Variants in RMST observed in about 807,000 individuals in gnomAD.
RMST encodes long intergenic non-protein coding RNA 54.
At chr12:97,519,189 C>T (rs929902415) in intron 10 of RMST, among the ~76,000 whole-genome samples, 17 of 152,198 alleles carry the variant, frequency 1.1e-4, no homozygotes, top group Admixed American at 1.0e-3. Flanking sequence ...CTGTTACTTA[C>T]AGCTCATGTA....
intron 10 of RMST, among the ~76,000 whole-genome samples, chr12:97,519,767 C>T (rs1408224210): frequency 6.6e-6 from 1 of 152,168 alleles, no homozygotes; most frequent in Non-Finnish European, 1.5e-5. Context: ...GTGCTATCTT[C>T]TTACTATAGT....
intron 10 of RMST, among the ~76,000 whole-genome samples, chr12:97,513,625 A>G (rs1216893778): frequency 6.6e-6 from 1 of 152,210 alleles, no homozygotes. Flanking sequence ...TAGCTCTTAT[A>G]TTACCTATAT....
At chr12:97,495,973 A>T (rs1363680211) in exon 10 of RMST, 1 of 152,214 alleles carries the variant, frequency 6.6e-6, no homozygotes, top group Non-Finnish European at 1.5e-5. Flanking sequence ...CTGCGTGGCT[A>T]CATTTTCCCA....
intron 11 of RMST, among the ~76,000 whole-genome samples, chr12:97,539,005 T>A (rs952002861): frequency 2.0e-5 from 3 of 151,412 alleles, no homozygotes; most frequent in Non-Finnish European, 4.4e-5. Context: ...GCATTATGAG[T>A]TAACTGTTTG....
chr12:97,496,648 C>G (rs2136464643), intron 10 of RMST, among the ~76,000 whole-genome samples: 1 of 152,182 alleles, frequency 6.6e-6, no homozygotes, highest in African/African-American at 2.4e-5. Flanking sequence ...GATCCTTGAC[C>G]TTTTGGCTTG....
At chr12:97,514,745 A>G (rs546250108) in intron 10 of RMST, among the ~76,000 whole-genome samples, 1 of 152,206 alleles carries the variant, frequency 6.6e-6, no homozygotes, top group East Asian at 1.9e-4. Context: ...TATGGAACAC[A>G]GAGTAAGAGC....
chr12:97,495,574 T>C (rs1422085337), intron 9 of RMST, among the ~76,000 whole-genome samples: 1 of 152,144 alleles, frequency 6.6e-6, no homozygotes, highest in Non-Finnish European at 1.5e-5. Context: ...TGCTACCCTG[T>C]ATACTATACT....
intron 10 of RMST, among the ~76,000 whole-genome samples, chr12:97,525,039 G>A (rs1880945754): frequency 6.6e-6 from 1 of 152,204 alleles, no homozygotes; most frequent in South Asian, 2.1e-4. Context: ...TGCCTTGAGA[G>A]TGAGCTGCTT....
intron 11 of RMST, among the ~76,000 whole-genome samples, chr12:97,550,995 T>C (rs1883271232): frequency 6.6e-6 from 1 of 152,104 alleles, no homozygotes; most frequent in African/African-American, 2.4e-5. Context: ...AAGAGAACAC[T>C]TAACTAATTG....
At chr12:97,473,558 A>G (rs1874186152) in intron 5 of RMST, among the ~76,000 whole-genome samples, 1 of 152,148 alleles carries the variant, frequency 6.6e-6, no homozygotes, top group Non-Finnish European at 1.5e-5. Context: ...AGGCTAACAC[A>G]TTCTATGTGA....
intron 5 of RMST, among the ~76,000 whole-genome samples, chr12:97,480,108 T>G (rs1056754203): frequency 2.6e-5 from 4 of 151,470 alleles, no homozygotes; most frequent in Non-Finnish European, 5.9e-5. Context: ...TCTTTTTTTT[T>G]GAGACAGAGT....
chr12:97,473,694 T>C (rs1018726890), intron 5 of RMST, among the ~76,000 whole-genome samples: 1 of 152,116 alleles, frequency 6.6e-6, no homozygotes, highest in African/African-American at 2.4e-5. Context: ...CAAATAAAAC[T>C]TAACATTAAG....
intron 10 of RMST, among the ~76,000 whole-genome samples, chr12:97,516,630 A>G (rs1269201904): frequency 2.0e-5 from 3 of 152,064 alleles, no homozygotes; most frequent in African/African-American, 7.2e-5. Flanking sequence ...CTAAAAATAC[A>G]TAAATCTTCC....
intron 10 of RMST, among the ~76,000 whole-genome samples, chr12:97,511,685 A>G (rs767164046): frequency 4.9e-4 from 74 of 152,230 alleles, no homozygotes; most frequent in Non-Finnish European, 9.6e-4. Context: ...AGTAAGTACT[A>G]TTTTGAAGAG....
At chr12:97,464,263 TA>T (rs1872913388) in intron 4 of RMST, among the ~76,000 whole-genome samples, 1 of 152,180 alleles carries the variant, frequency 6.6e-6, no homozygotes, top group Non-Finnish European at 1.5e-5. Flanking sequence ...TTTAAAAATG[TA>T]CCAAAAACTT....
At chr12:97,548,525 A>G (rs1437412032) in intron 11 of RMST, among the ~76,000 whole-genome samples, 2 of 137,882 alleles carry the variant, frequency 1.5e-5, no homozygotes, top group African/African-American at 5.3e-5. Context: ...GGCTATTTTA[A>G]TTTCATTCAT....
At chr12:97,531,973 A>G (rs1353847436) in intron 11 of RMST, among the ~76,000 whole-genome samples, 2 of 151,968 alleles carry the variant, frequency 1.3e-5, no homozygotes, top group South Asian at 4.1e-4. Flanking sequence ...TTAAAATTTG[A>G]CAATCACATT....
At chr12:97,466,525 G>A (rs1288963561) in intron 5 of RMST, among the ~76,000 whole-genome samples, 1 of 152,070 alleles carries the variant, frequency 6.6e-6, no homozygotes, top group African/African-American at 2.4e-5. Flanking sequence ...TTCACATTGT[G>A]TTTTGCTTTG....
intron 10 of RMST, among the ~76,000 whole-genome samples, chr12:97,505,436 T>G (rs547245106): frequency 1.2e-4 from 18 of 152,370 alleles, no homozygotes; most frequent in Admixed American, 4.6e-4. Context: ...TGCTTGGTTC[T>G]GACAACAAAG....
Sources: gnomAD v4.1 joint callset for allele counts (sites outside exome capture counted in the v4.1 genomes callset) on GRCh38, gnomAD v4.1.1 for gene constraint, MANE v1.5 for transcripts, NCBI Gene and HGNC (gene_info 2026-07-23, HGNC 2026-07-21) for gene names.